The following RANBP3L variants were observed in gnomAD, a reference collection of about 807,000 sequenced individuals.
The protein encoded by RANBP3L is RAN binding protein 3 like.
RANBP3L carries 56 observed loss-of-function variants against 67.2 expected under a neutral mutation model. The observed-to-expected ratio is 0.83, with a 90% CI of 0.67 to 1.04. The LOEUF (loss-of-function observed/expected upper bound fraction) is 1.04, where lower values mean the gene tolerates loss of function less well. RANBP3L is among the 50% of genes least tolerant of loss of function. RANBP3L has a pLI of 0.00. For synonymous variants in RANBP3L, 164 were observed against 181.4 expected (o/e 0.90, Z 0.77); for missense variants, 496 against 535.5 (o/e 0.93, Z 0.73).
intron 8 of RANBP3L, among the ~76,000 whole-genome samples, chr5:36,259,723 C>T (rs967733479): frequency 2.0e-5 from 3 of 152,146 alleles, no homozygotes; most frequent in Admixed American, 6.5e-5. Context: ...AAGCTAGGCA[C>T]GTTCGAGCTA....
intron 1 of RANBP3L, among the ~76,000 whole-genome samples, chr5:36,295,360 G>A (rs1752131811): frequency 6.6e-6 from 1 of 151,966 alleles, no homozygotes; most frequent in Admixed American, 6.6e-5. Flanking sequence ...AGATCTGATG[G>A]TTTTATAAGG....
At chr5:36,250,001 C>A (rs1748484209) in intron 13 of RANBP3L, among the ~76,000 whole-genome samples, 1 of 151,784 alleles carries the variant, frequency 6.6e-6, no homozygotes, top group African/African-American at 2.4e-5. Context: ...GAAAAAATGG[C>A]AGGGGAAAGG....
intron 2 of RANBP3L, among the ~76,000 whole-genome samples, chr5:36,270,654 C>T (rs1373648199): frequency 1.3e-5 from 2 of 152,146 alleles, no homozygotes; most frequent in South Asian, 2.1e-4. Flanking sequence ...GCCACCATGC[C>T]TGACTAATTT....
At chr5:36,253,074 G>A (rs984580723) in intron 12 of RANBP3L, among the ~76,000 whole-genome samples, 2 of 151,912 alleles carry the variant, frequency 1.3e-5, no homozygotes, top group Admixed American at 1.3e-4. Context: ...ATTCTTGCCA[G>A]CTCTCTTGGG....
At chr5:36,279,762 A>T in intron 1 of RANBP3L, among the ~76,000 whole-genome samples, 1 of 152,022 alleles carries the variant, frequency 6.6e-6, no homozygotes. Context: ...TAACTGCTTT[A>T]AAGTTTTTAT....
At chr5:36,254,795 C>T (rs1748853311) in intron 11 of RANBP3L, among the ~76,000 whole-genome samples, 1 of 152,100 alleles carries the variant, frequency 6.6e-6, no homozygotes, top group Non-Finnish European at 1.5e-5. Flanking sequence ...CTGCCCAGAT[C>T]TCTCCCTGTG....
Position 36,253,773 on chromosome 5 carries a change from G to T in RANBP3L, c.1041C>A (p.Gly347=). The change falls in exon 12 of 14, where the codon GGC becomes GGA. Residue 347 remains glycine, a synonymous_variant. Coordinates refer to ENST00000296604, the MANE Select transcript of RANBP3L (RefSeq NM_145000.5). Reference sequence around the variant, plus strand: ...TGCTGTTGAGGATCAGCCTTAGACTGCCTTGATTGCGCATAACTAAAATAG... The same window carrying T: ...TGCTGTTGAGGATCAGCCTTAGACTTCCTTGATTGCGCATAACTAAAATAG... The part of the protein sequence containing the change: ...LQSRLIMRNQ[G]SLRLILNSKL... 1.2e-6 allele frequency: 2 copies of T among 1,612,302 alleles called. No homozygotes were observed. Among genetic ancestry groups the T allele is most frequent in the African/African-American group, 1.3e-5 (1 of 74,922 alleles).
chr5:36,290,726 CTTTTTTTTTTTTT>C (rs61105686), intron 1 of RANBP3L, among the ~76,000 whole-genome samples: 1 of 55,434 alleles, frequency 1.8e-5, no homozygotes, highest in East Asian at 6.1e-4. Context: ...ACAACCATGG[CTTTTTTTTTTTTT>C]TTTTTTTTTT....
At position 36,299,379 on chromosome 5, in the gene RANBP3L, A is replaced by G. The variant is rs199719767; in HGVS notation, c.91+1947T>C. Among the ~76,000 whole-genome samples the G allele has an allele frequency of 3.4e-5, 5 of 147,176 alleles. No individual in the cohort carries two copies. In the East Asian group the frequency reaches 7.9e-4, roughly 23 times the overall value. ...TGTGTGTGTGTGTATATATCCTATT[A>G]GTTCTGTCCCTCTAGAGAACTTTGA... On this transcript the variant is annotated intron_variant, in intron 1 of 13. Coordinates refer to ENST00000296604, the MANE Select transcript of RANBP3L (RefSeq NM_145000.5).
At chr5:36,260,656 G>A in intron 8 of RANBP3L, 124 bp downstream of exon 8, 1 of 558,898 alleles carries the variant, frequency 1.8e-6, no homozygotes. Context: ...GAAAGAAAAT[G>A]TGCGTTTGAA....
chr5:36,259,582 TAAA>T (rs201276304), intron 8 of RANBP3L, among the ~76,000 whole-genome samples: 2 of 140,170 alleles, frequency 1.4e-5, no homozygotes, highest in Non-Finnish European at 3.1e-5. Context: ...GACCTCATCT[TAAA>T]AAAAAAAAAA....
Position 36,249,406 on chromosome 5 carries a change from C to G in RANBP3L, c.*248G>C, listed in dbSNP as rs570496426. ...GTTATAAAATCCTATTCTAAATAAACTTCTTCAAAAATGATAAATTTTGAA... is the reference window on the plus strand; with the variant it reads ...GTTATAAAATCCTATTCTAAATAAAGTTCTTCAAAAATGATAAATTTTGAA... On this transcript the variant is annotated 3_prime_UTR_variant, in exon 14 of 14. Coordinates refer to ENST00000296604, the MANE Select transcript of RANBP3L (RefSeq NM_145000.5). 1 of 272,704 alleles carries G rather than the reference C, an allele frequency of 3.7e-6. No individual in the cohort carries two copies. Among genetic ancestry groups the G allele is most frequent in the Non-Finnish European group, 6.8e-6 (1 of 146,614 alleles). 16.9% of individuals were successfully genotyped at this position (272,704 alleles called of 1,614,324 possible).
Position 36,277,816 on chromosome 5 carries a change from T to C in RANBP3L, c.92-6505A>G, listed in dbSNP as rs985408937. On this transcript the variant is annotated intron_variant, in intron 1 of 13. Transcript: ENST00000296604. ...AAAGACACACCCAAGACTGGAAAAT[T>C]TGTAAAGAAAAAGAGGTTTAATGGA... Among the ~76,000 whole-genome samples, 3 of 152,170 alleles carry C rather than the reference T, an allele frequency of 2.0e-5. No homozygotes were observed. The South Asian group carries it at 6.2e-4, about 32-fold the overall frequency.
intron 1 of RANBP3L, among the ~76,000 whole-genome samples, chr5:36,272,969 A>G (rs1256145212): frequency 6.6e-6 from 1 of 152,096 alleles, no homozygotes; most frequent in Non-Finnish European, 1.5e-5. Flanking sequence ...GCAAGCACTT[A>G]CCATGCTGTC....
chr5:36,274,119 T>G (rs191563199), intron 1 of RANBP3L, among the ~76,000 whole-genome samples: 1 of 152,214 alleles, frequency 6.6e-6, no homozygotes, highest in African/African-American at 2.4e-5. Context: ...CAACCCATTA[T>G]GGTTTGGGGG....
chr5:36,292,169 C>G (rs1751836686), intron 1 of RANBP3L, among the ~76,000 whole-genome samples: 1 of 152,086 alleles, frequency 6.6e-6, no homozygotes, highest in African/African-American at 2.4e-5. Flanking sequence ...AGCATTTTTT[C>G]ACGTATTTTT....
intron 1 of RANBP3L, among the ~76,000 whole-genome samples, chr5:36,273,720 A>T (rs1485508499): frequency 1.3e-5 from 2 of 152,146 alleles, no homozygotes; most frequent in African/African-American, 2.4e-5. Flanking sequence ...GAGTCCTTAA[A>T]ATTATATTTT....
intron 1 of RANBP3L, among the ~76,000 whole-genome samples, chr5:36,279,591 C>G (rs1333435969): frequency 6.6e-6 from 1 of 152,088 alleles, no homozygotes; most frequent in Non-Finnish European, 1.5e-5. Flanking sequence ...ACTGGAGAAG[C>G]AAGATGAATG....
intron 1 of RANBP3L, among the ~76,000 whole-genome samples, chr5:36,276,607 A>G (rs972727567): frequency 6.6e-6 from 1 of 151,714 alleles, no homozygotes; most frequent in African/African-American, 2.4e-5. Flanking sequence ...TTTCTATTTT[A>G]TGTACTATAT....
Sources: allele counts gnomAD v4.1 joint callset (sites outside exome capture counted in the v4.1 genomes callset), GRCh38; gene constraint gnomAD v4.1.1; transcripts MANE v1.5; gene names NCBI Gene and HGNC (gene_info 2026-07-23, HGNC 2026-07-21).